The following ZWILCH variants were observed in gnomAD, a reference collection of about 807,000 sequenced individuals.
ZWILCH encodes zwilch kinetochore protein.
ZWILCH carries 74 observed loss-of-function variants against 79.9 expected under a neutral mutation model. That is an observed-to-expected ratio of 0.93 (90% CI 0.77 to 1.12). The LOEUF is 1.12. Among genes scored for constraint, ZWILCH ranks in the 50% most tolerant of loss-of-function variants. ZWILCH has a pLI of 0.00. For synonymous variants in ZWILCH, 241 were observed against 228.2 expected (o/e 1.06, Z -0.51); for missense variants, 694 against 687.5 (o/e 1.01, Z -0.11).
At chr15:66,517,430 GTATA>G (rs1555424251) in intron 4 of ZWILCH, among the ~76,000 whole-genome samples, 29 of 66,516 alleles carry the variant, frequency 4.4e-4, no homozygotes, top group African/African-American at 9.2e-4. Context: ...GTGTGTGTGT[GTATA>G]TATATATATA....
intron 16 of ZWILCH, among the ~76,000 whole-genome samples, chr15:66,537,912 A>T (rs1895065312): frequency 1.3e-5 from 2 of 151,924 alleles, no homozygotes; most frequent in African/African-American, 4.8e-5. Context: ...CTAGTCTTTC[A>T]TTTTTCTCTG....
intron 15 of ZWILCH, 68 bp from the exon 16 acceptor site, chr15:66,537,100 A>T: frequency 8.0e-7 from 1 of 1,249,644 alleles, no homozygotes; most frequent in Non-Finnish European, 1.2e-6. Context: ...TACGAGCTTT[A>T]GACTACCAGA....
rs1022211547 is a variant in ZWILCH at position 66,527,159 on chromosome 15, C to A, written c.820-131C>A. ...ATAACATGTACTATACATAAAGCAC[C>A]ACAGCAGTACCTGGGATGTGATAAA... On this transcript the variant is annotated intron_variant, in intron 8 of 18. Transcript: ENST00000307897. The A allele has an allele frequency of 3.3e-5, 22 of 660,848 alleles. No homozygotes were observed. The African/African-American group carries it at 3.8e-4, about 12-fold the overall frequency. The allele number at this position is 660,848 out of a possible 1,614,324, so 40.9% of individuals were successfully genotyped here. A position where few individuals can be genotyped will look rare whatever the true frequency, so the allele number is the denominator to read the frequency against.
chr15:66,540,508 G>A (rs1458732215), intron 17 of ZWILCH, among the ~76,000 whole-genome samples: 5 of 152,062 alleles, frequency 3.3e-5, no homozygotes, highest in South Asian at 2.1e-4. Flanking sequence ...AGCTGAGATC[G>A]TGCCACTGCA....
At chr15:66,524,210 A>G (rs577580075) in intron 8 of ZWILCH, among the ~76,000 whole-genome samples, 1 of 152,198 alleles carries the variant, frequency 6.6e-6, no homozygotes. Context: ...CTGCCAAAAT[A>G]TAACTGTTGT....
chr15:66,537,206 A>T lies in ZWILCH; in HGVS notation c.1517A>T (p.Glu506Val), dbSNP rs1332182552. 2 of 1,613,550 alleles carry T rather than the reference A, an allele frequency of 1.2e-6. No homozygotes were observed. Among genetic ancestry groups the T allele is most frequent in the African/African-American group, 2.7e-5 (2 of 75,038 alleles). Residue 506 changes from glutamate (E) to valine (V), a missense_variant, in exon 16 of 19, where the codon GAG becomes GTG. By Grantham distance (121) the Glu-to-Val change is moderately radical. Coordinates refer to ENST00000307897, the MANE Select transcript of ZWILCH (RefSeq NM_017975.5). ...IKYYKQNPLD[E>V]QHIFQLPVRP... ...TATTACAAACAAAATCCTCTTGATG[A>T]GCAACACATTTTTCAGCTGCCAGTC...
chr15:66,518,763 A>G, intron 4 of ZWILCH, 116 bp from the exon 5 acceptor site: 1 of 930,096 alleles, frequency 1.1e-6, no homozygotes, highest in Non-Finnish European at 1.7e-6. Context: ...GTGAGCTATG[A>G]TCGCACCACT....
At chr15:66,507,001 C>T (rs1280068411) in intron 1 of ZWILCH, among the ~76,000 whole-genome samples, 1 of 151,858 alleles carries the variant, frequency 6.6e-6, no homozygotes, top group Non-Finnish European at 1.5e-5. Context: ...GGACTACAGG[C>T]GCATGCCACC....
At chr15:66,536,436 G>T (rs1895019056) in intron 15 of ZWILCH, among the ~76,000 whole-genome samples, 1 of 152,126 alleles carries the variant, frequency 6.6e-6, no homozygotes, top group Admixed American at 6.6e-5. Flanking sequence ...TGATAACAAT[G>T]GAATCAAATA....
chr15:66,520,522 C>T, intron 5 of ZWILCH, 68 bp from the exon 6 acceptor site: 1 of 789,022 alleles, frequency 1.3e-6, no homozygotes, highest in Non-Finnish European at 2.2e-6. Context: ...TGAGGGATTA[C>T]AGTTTTGTAG....
At chr15:66,547,776 A>G (rs550696700) in intron 18 of ZWILCH, 1 of 152,016 alleles carries the variant, frequency 6.6e-6, no homozygotes, top group Non-Finnish European at 1.5e-5. Flanking sequence ...AAGGATTGTT[A>G]TCTATAGATT....
At chr15:66,529,860 TATTGTC>T (rs763529326) in intron 12 of ZWILCH, among the ~76,000 whole-genome samples, 4 of 152,368 alleles carry the variant, frequency 2.6e-5, no homozygotes, top group Non-Finnish European at 5.9e-5. Flanking sequence ...AAACTACTAA[TATTGTC>T]ATTGTTAAGT....
At chr15:66,542,734 G>T (rs1004982037) in intron 17 of ZWILCH, among the ~76,000 whole-genome samples, 2 of 152,136 alleles carry the variant, frequency 1.3e-5, no homozygotes, top group Non-Finnish European at 2.9e-5. Context: ...ATGCTTGCTT[G>T]TACTCCCAGC....
chr15:66,514,166 T>A, intron 3 of ZWILCH, 83 bp downstream of exon 3: 1 of 918,278 alleles, frequency 1.1e-6, no homozygotes, highest in Non-Finnish European at 1.6e-6. Context: ...GTACACGTTT[T>A]AAAATCAGCA....
chr15:66,544,213 C>T (rs983264481), intron 17 of ZWILCH, among the ~76,000 whole-genome samples: 2 of 150,100 alleles, frequency 1.3e-5, no homozygotes, highest in Non-Finnish European at 3.0e-5. Context: ...GCCGATATCA[C>T]GCCATTGCAC....
chr15:66,542,313 C>T (rs750337252), intron 17 of ZWILCH, among the ~76,000 whole-genome samples: 13 of 152,014 alleles, frequency 8.6e-5, no homozygotes, highest in Non-Finnish European at 1.2e-4. Flanking sequence ...AGGCCGGGCG[C>T]GGGGGCTCAC....
rs1276845341 is a variant in ZWILCH at position 66,513,576 on chromosome 15, C to CT, written c.106-399dup. ...TGGGCAACATAGTGAGACTCTGTCT[C>CT]TTTTTTTTTTTTTGAAACAGAGTCT... is the stretch of plus-strand genomic sequence containing the variant. On this transcript the variant is annotated intron_variant, in intron 2 of 18. Transcript: ENST00000307897. Among the ~76,000 whole-genome samples the CT allele has an allele frequency of 4.4e-3, 639 of 143,728 alleles. 1 individual carries two copies. Among genetic ancestry groups the CT allele is most frequent in the African/African-American group, 0.011 (435 of 39,520 alleles). The allele number at this position is 143,728 out of a possible 152,430, so 94.3% of individuals were successfully genotyped here.
Position 66,520,661 on chromosome 15 carries a change from G to T in ZWILCH, c.591+1G>T, listed in dbSNP as rs377504259. ...CAAGAAAAGACATCACTTGTCTACT[G>T]TAAGTGTTTTGCTTCTACTCATATT... On this transcript the variant is annotated splice_donor_variant, in intron 6 of 18. Transcript: ENST00000307897. LOFTEE classifies it high-confidence loss of function. 2.6e-6 allele frequency: 4 copies of T among 1,547,760 alleles called. No homozygotes were observed. Among genetic ancestry groups the T allele is most frequent in the South Asian group, 1.1e-5 (1 of 86,968 alleles).
Position 66,548,469 on chromosome 15 carries a change from T to A in ZWILCH, c.*145T>A. The A allele has an allele frequency of 7.3e-7, 1 of 1,369,020 alleles. No individual in the cohort carries two copies. Among genetic ancestry groups the A allele is most frequent in the Non-Finnish European group, 1.0e-6 (1 of 962,928 alleles). The allele number at this position is 1,369,020 out of a possible 1,614,324, so 84.8% of individuals were successfully genotyped here. Reference sequence around the variant, plus strand: ...GATCCTGAAGATTCTCTTATGAAGCTCCAAAATTGATAATCCTGTCTCAGC... The same window carrying A: ...GATCCTGAAGATTCTCTTATGAAGCACCAAAATTGATAATCCTGTCTCAGC... On this transcript the variant is annotated 3_prime_UTR_variant, in exon 19 of 19. Coordinates refer to ENST00000307897, the MANE Select transcript of ZWILCH (RefSeq NM_017975.5).
Sources: gnomAD v4.1 joint callset for allele counts (sites outside exome capture counted in the v4.1 genomes callset) on GRCh38, gnomAD v4.1.1 for gene constraint, MANE v1.5 for transcripts, NCBI Gene and HGNC (gene_info 2026-07-23, HGNC 2026-07-21) for gene names.